SH3BGR: variants seen among roughly 807,000 people sequenced by gnomAD.
SH3BGR encodes the protein SH3 domain binding glutamate rich protein, also known as SH3 domain-binding glutamic acid-rich protein.
SH3BGR carries 29 observed loss-of-function variants against 24.5 expected under a neutral mutation model. The ratio of observed to expected loss-of-function variants is 1.18; its 90% CI spans 0.88 to 1.61. The LOEUF (loss-of-function observed/expected upper bound fraction) is 1.61, where lower values mean the gene tolerates loss of function less well. Ranked by LOEUF, SH3BGR falls within the 40% of genes most tolerant of loss-of-function variation. The pLI, the probability that SH3BGR is intolerant of heterozygous loss-of-function variation, is 0.00. For synonymous variants in SH3BGR, 55 were observed against 65.7 expected (o/e 0.84, Z 0.79); for missense variants, 162 against 205.8 (o/e 0.79, Z 1.30).
upstream of SH3BGR, among the ~76,000 whole-genome samples, chr21:39,448,597 G>A (rs2077537808): frequency 6.6e-6 from 1 of 152,182 alleles, no homozygotes; most frequent in African/African-American, 2.4e-5. Flanking sequence ...GGCTGAGGCA[G>A]GAGATGAATG....
chr21:39,478,147 AT>A (rs1236253035), intron 3 of SH3BGR, among the ~76,000 whole-genome samples: 1 of 152,244 alleles, frequency 6.6e-6, no homozygotes, highest in Non-Finnish European at 1.5e-5. Context: ...TATTAAAAAA[AT>A]AACTTTTTTC....
Position 39,500,696 on chromosome 21 carries a change from A to T in SH3BGR, c.405+781A>T, listed in dbSNP as rs756666617. On this transcript the variant is annotated intron_variant, in intron 4 of 6. Coordinates refer to ENST00000333634, the MANE Select transcript of SH3BGR (RefSeq NM_007341.3). Reference sequence around the variant, plus strand: ...CTCCACTGGGTCAGTTGTAGCAAAGACTATTTTTCAAACCCTGATGGTTTG... The same window carrying T: ...CTCCACTGGGTCAGTTGTAGCAAAGTCTATTTTTCAAACCCTGATGGTTTG... Among the ~76,000 whole-genome samples, 222 of 152,246 alleles carry T rather than the reference A, an allele frequency of 1.5e-3. 1 individual carries two copies. Among genetic ancestry groups the T allele is most frequent in the Non-Finnish European group, 2.6e-3 (178 of 68,014 alleles).
chr21:39,507,997 A>C (rs2078612544), intron 4 of SH3BGR, among the ~76,000 whole-genome samples: 1 of 152,162 alleles, frequency 6.6e-6, no homozygotes, highest in Admixed American at 6.5e-5. Context: ...CTTAATTAGG[A>C]ATCAGTAGAC....
At chr21:39,472,369 G>C (rs1186143941) in intron 2 of SH3BGR, among the ~76,000 whole-genome samples, 1 of 152,024 alleles carries the variant, frequency 6.6e-6, no homozygotes, top group Admixed American at 6.6e-5. Flanking sequence ...TCATCAATCA[G>C]TTCATGAGGG....
intron 5 of SH3BGR, among the ~76,000 whole-genome samples, chr21:39,509,835 A>G (rs1265615948): frequency 1.3e-5 from 2 of 152,138 alleles, no homozygotes; most frequent in Non-Finnish European, 2.9e-5. Context: ...AAGGGTAGGG[A>G]GAATAATTTA....
intron 3 of SH3BGR, 75 bp downstream of exon 3, chr21:39,475,290 C>T: frequency 1.2e-6 from 1 of 849,208 alleles, no homozygotes; most frequent in East Asian, 2.4e-5. Flanking sequence ...GCATCCAAGA[C>T]TGTTTAATAC....
At chr21:39,459,260 C>G (rs759622743) in intron 1 of SH3BGR, among the ~76,000 whole-genome samples, 1 of 150,032 alleles carries the variant, frequency 6.7e-6, no homozygotes, top group Non-Finnish European at 1.5e-5. Context: ...GAGTCTCACT[C>G]TGTCGCCAGG....
At position 39,500,325 on chromosome 21, in the gene SH3BGR, C is replaced by T. The variant is rs569701589; in HGVS notation, c.405+410C>T. ...AGCTAAGGGAGTGCAGTATATCTGGCGGAAGACAAGAGGAACTTGAGGATA... is the reference window on the plus strand; with the variant it reads ...AGCTAAGGGAGTGCAGTATATCTGGTGGAAGACAAGAGGAACTTGAGGATA... On this transcript the variant is annotated intron_variant, in intron 4 of 6. Transcript: ENST00000333634. 1.2e-4 allele frequency among the ~76,000 whole-genome samples: 19 copies of T among 152,048 alleles called. 1 individual carries two copies. In the South Asian group the frequency reaches 4.0e-3, roughly 32 times the overall value.
In SH3BGR at chr21:39,495,677, C is replaced by A. The variant is rs2078382106; in HGVS notation, c.313-4146C>A. Among the ~76,000 whole-genome samples, 3 of 152,052 alleles carry A rather than the reference C, an allele frequency of 2.0e-5. No homozygotes were observed. In the South Asian group the frequency reaches 6.2e-4, roughly 32 times the overall value. The stretch of plus-strand genomic sequence containing the variant: ...AAATTTTTTTTTGTAGAGGAAGGAT[C>A]TTGCTATGTTGCCCAGGCTAGTCTT... On this transcript the variant is annotated intron_variant, in intron 3 of 6. Coordinates refer to ENST00000333634, the MANE Select transcript of SH3BGR (RefSeq NM_007341.3).
At position 39,511,098 on chromosome 21, in the gene SH3BGR, T is replaced by A. The variant is rs1188794248; in HGVS notation, c.436-582T>A. On this transcript the variant is annotated intron_variant, in intron 5 of 6. Transcript: ENST00000333634. The surrounding 1 kb of genome is among the most constrained non-coding windows in gnomAD (Gnocchi z 4.2). ...GAGGACTCTGTGTTTAGAAGGATGATTTTTTTTATGTGTGTGTATGTATGT... is the reference window on the plus strand; with the variant it reads ...GAGGACTCTGTGTTTAGAAGGATGAATTTTTTTATGTGTGTGTATGTATGT... 1.8e-5 allele frequency among the ~76,000 whole-genome samples: 1 copy of A among 57,008 alleles called. No individual in the cohort carries two copies. The highest frequency in any genetic ancestry group is 6.3e-5 in the Non-Finnish European group (1 of 15,822). 37.4% of individuals were successfully genotyped at this position (57,008 alleles called of 152,430 possible).
intron 3 of SH3BGR, among the ~76,000 whole-genome samples, chr21:39,497,608 A>G (rs958740325): frequency 1.3e-5 from 2 of 152,132 alleles, no homozygotes; most frequent in Admixed American, 6.5e-5. Flanking sequence ...CAACTCAAGT[A>G]AAAATGAGCA....
At chr21:39,512,675 C>G (rs999997449) in intron 6 of SH3BGR, among the ~76,000 whole-genome samples, 1 of 152,052 alleles carries the variant, frequency 6.6e-6, no homozygotes, top group Admixed American at 6.6e-5. Flanking sequence ...GCCTGCGGTC[C>G]CAGCTACTTG....
Position 39,510,919 on chromosome 21 carries a change from A to ATG in SH3BGR, c.436-760_436-759insGT, listed in dbSNP as rs1159932844. On this transcript the variant is annotated intron_variant, in intron 5 of 6. Transcript: ENST00000333634. ...ATTTGATTCTTCTAACTATATATAT[A>ATG]TATATATATATATATATATATATAT... 1.8e-4 allele frequency among the ~76,000 whole-genome samples: 25 copies of ATG among 137,008 alleles called. No homozygotes were observed. The East Asian group carries it at 4.7e-3, about 26-fold the overall frequency. The allele number at this position is 137,008 out of a possible 152,430, so 89.9% of individuals were successfully genotyped here. A position where few individuals can be genotyped will look rare whatever the true frequency, so the allele number is the denominator to read the frequency against.
intron 1 of SH3BGR, among the ~76,000 whole-genome samples, chr21:39,458,760 C>T (rs1369570348): frequency 6.6e-6 from 1 of 151,798 alleles, no homozygotes; most frequent in South Asian, 2.1e-4. Flanking sequence ...GATCCTCCCG[C>T]CTCAGCTTCC....
At chr21:39,460,977 C>T (rs1322824499) in intron 1 of SH3BGR, among the ~76,000 whole-genome samples, 1 of 151,996 alleles carries the variant, frequency 6.6e-6, no homozygotes, top group Non-Finnish European at 1.5e-5. Flanking sequence ...TTTCCCTTTT[C>T]CCAATCCCTT....
chr21:39,492,493 C>G lies in SH3BGR; in HGVS notation c.313-7330C>G, dbSNP rs531416415. Among the ~76,000 whole-genome samples, 476 of 147,796 alleles carry G rather than the reference C, an allele frequency of 3.2e-3. 3 individuals carry two copies. Among genetic ancestry groups the G allele is most frequent in the African/African-American group, 0.011 (440 of 38,906 alleles). On this transcript the variant is annotated intron_variant, in intron 3 of 6. Transcript: ENST00000333634. Reference sequence around the variant, plus strand: ...ATATATATATATATACACACACACACACACACCACATTTTCTTTATCCACT... The same window carrying G: ...ATATATATATATATACACACACACAGACACACCACATTTTCTTTATCCACT...
chr21:39,464,636 T>C (rs933110464), intron 2 of SH3BGR, among the ~76,000 whole-genome samples: 3 of 152,228 alleles, frequency 2.0e-5, no homozygotes, highest in African/African-American at 7.2e-5. Flanking sequence ...CTTCAGAGGC[T>C]TAACCAAAAG....
intron 1 of SH3BGR, among the ~76,000 whole-genome samples, chr21:39,458,549 G>C (rs988944682): frequency 1.3e-5 from 2 of 151,878 alleles, no homozygotes; most frequent in African/African-American, 4.8e-5. Context: ...TGTTGGCCAG[G>C]CTGGTCTCAA....
chr21:39,499,323 T>C (rs2078452928), intron 3 of SH3BGR, among the ~76,000 whole-genome samples: 1 of 144,536 alleles, frequency 6.9e-6, no homozygotes, highest in African/African-American at 2.5e-5. Flanking sequence ...CATCCATCCA[T>C]TCCTCCGTCT....
Sources: gnomAD v4.1 joint callset for allele counts (sites outside exome capture counted in the v4.1 genomes callset) on GRCh38, gnomAD v4.1.1 for gene constraint, Gnocchi (gnomAD v3.1) non-coding constraint, MANE v1.5 for transcripts, NCBI Gene and HGNC (gene_info 2026-07-23, HGNC 2026-07-21) for gene names.